Variants in SSUH2 observed in about 807,000 individuals in gnomAD.
SSUH2 encodes protein SSUH2 homolog.
A neutral mutation model predicts 55.3 loss-of-function variants in SSUH2; 47 were observed. That is an observed-to-expected ratio of 0.85 (90% CI 0.67 to 1.08). SSUH2 has a LOEUF of 1.08. SSUH2 is among the 50% of genes least tolerant of loss of function. The probability of loss-of-function intolerance (pLI) is 0.00; values close to 1 mark genes in which losing one functional copy is unlikely to be tolerated. For missense variants in SSUH2, 535 were observed against 490.7 expected (o/e 1.09, Z -0.85); for synonymous variants, 212 against 191.5 (o/e 1.11, Z -0.89).
At chr3:8,653,105 G>T (rs1452630629) in intron 7 of SSUH2, among the ~76,000 whole-genome samples, 1 of 152,164 alleles carries the variant, frequency 6.6e-6, no homozygotes, top group African/African-American at 2.4e-5. Context: ...ACACCTTTTT[G>T]GATCTAAATT....
At position 8,659,755 on chromosome 3, in the gene SSUH2, G is replaced by C. The variant is rs762817042; in HGVS notation, c.-395-742C>G. 23 of 456,116 alleles carry C rather than the reference G, an allele frequency of 5.0e-5. 1 individual carries two copies. The highest frequency in any genetic ancestry group is 3.6e-4 in the South Asian group (23 of 64,384). 28.3% of individuals were successfully genotyped at this position (456,116 alleles called of 1,614,324 possible). On this transcript the variant is annotated intron_variant, in intron 6 of 18. Coordinates refer to the SSUH2 transcript ENST00000317371. ...CATATATGTATTCATTCATTCAATG[G>C]GTATTTATTGTGTGCAGTGTAAGAG...
At chr3:8,678,605 C>G (rs964465720) in intron 2 of SSUH2, among the ~76,000 whole-genome samples, 2 of 88,934 alleles carry the variant, frequency 2.2e-5, no homozygotes, top group African/African-American at 4.1e-5. Context: ...GGACTGAGAG[C>G]CAGCCCTTCT....
chr3:8,668,190 G>A (rs1234943103), intron 5 of SSUH2, among the ~76,000 whole-genome samples: 1 of 151,972 alleles, frequency 6.6e-6, no homozygotes, highest in African/African-American at 2.4e-5. Flanking sequence ...CAACCACTGT[G>A]GCCTTCATTA....
At position 8,678,472 on chromosome 3, in the gene SSUH2, T is replaced by C. The variant is rs182471310; in HGVS notation, c.-900-1119A>G. Among the ~76,000 whole-genome samples the C allele has an allele frequency of 3.9e-3, 582 of 148,260 alleles. 20 individuals carry two copies. The highest frequency in any genetic ancestry group is 6.0e-3 in the Non-Finnish European group (400 of 66,460). On this transcript the variant is annotated intron_variant, in intron 2 of 18. Transcript: ENST00000317371. ...TCCGCCTCTATCCCCCCCTGGCTCT[T>C]AGGACCCCCATTGCAAGGGGGTGAG...
intron 7 of SSUH2, among the ~76,000 whole-genome samples, chr3:8,657,011 G>T (rs531940663): frequency 3.8e-4 from 58 of 152,276 alleles, no homozygotes; most frequent in Admixed American, 2.5e-3. Context: ...CTCCTGAGTA[G>T]CTGGGACTAC....
At chr3:8,648,563 G>GC (rs200449772), upstream of SSUH2, among the ~76,000 whole-genome samples, 11 of 152,006 alleles carry the variant, frequency 7.2e-5, no homozygotes, top group South Asian at 2.1e-4. Context: ...TTTAGCTGGT[G>GC]CCCCCCCATC....
intron 10 of SSUH2, 50 bp from the exon 11 acceptor site, chr3:8,623,706 C>A (rs767151291): frequency 1.5e-4 from 148 of 995,368 alleles, no homozygotes; most frequent in Non-Finnish European, 2.2e-4. Context: ...GCACCTGGAG[C>A]CTTGGAAGTC....
At chr3:8,648,341 G>A (rs1038825325), upstream of SSUH2, among the ~76,000 whole-genome samples, 1 of 152,180 alleles carries the variant, frequency 6.6e-6, no homozygotes, top group Non-Finnish European at 1.5e-5. Context: ...GAAGCTAGGG[G>A]AAGGAGCGTG....
In SSUH2 at chr3:8,678,752, G is replaced by A. The variant is rs77231684; in HGVS notation, c.-901+953C>T. On this transcript the variant is annotated intron_variant, in intron 2 of 18. Transcript: ENST00000317371. ...GGGGGGGAGGCACCACACGCGAGGC[G>A]GGGAAAGAGAGCCAGCCCCTCTTCC... Among the ~76,000 whole-genome samples, 49 of 34,626 alleles carry A rather than the reference G, an allele frequency of 1.4e-3. 19 individuals carry two copies. The highest frequency in any genetic ancestry group is 1.7e-3 in the African/African-American group (14 of 8,174). The allele number at this position is 34,626 out of a possible 152,430, so 22.7% of individuals were successfully genotyped here. A position where few individuals can be genotyped will look rare whatever the true frequency, so the allele number is the denominator to read the frequency against.
chr3:8,620,361 C>T (rs1051698693), intron 11 of SSUH2, among the ~76,000 whole-genome samples: 2 of 152,162 alleles, frequency 1.3e-5, no homozygotes, highest in African/African-American at 2.4e-5. Flanking sequence ...GTAAGATGTG[C>T]CTTTGCCATT....
At chr3:8,639,329 T>A (rs571085740) in intron 1 of SSUH2, among the ~76,000 whole-genome samples, 4 of 152,182 alleles carry the variant, frequency 2.6e-5, no homozygotes, top group Non-Finnish European at 5.9e-5. Flanking sequence ...CATGATCTCC[T>A]TTGTGCTTCA....
rs190114292 is a variant in SSUH2 at position 8,678,628 on chromosome 3, T to C, written c.-901+1077A>G. On this transcript the variant is annotated intron_variant, in intron 2 of 18. Transcript: ENST00000317371. ...AGCCAGCCCTTCTTCCCCCCCGGCT[T>C]TTGGGACCCCCATCGCAGTGGGGGG... Among the ~76,000 whole-genome samples the C allele has an allele frequency of 6.1e-3, 195 of 31,936 alleles. 23 individuals are homozygous for C. The highest frequency in any genetic ancestry group is 0.011 in the South Asian group (7 of 658). 21.0% of individuals were successfully genotyped at this position (31,936 alleles called of 152,430 possible).
chr3:8,620,165 A>G, intron 11 of SSUH2, 151 bp from the exon 12 acceptor site: 1 of 744,952 alleles, frequency 1.3e-6, no homozygotes, highest in South Asian at 1.9e-5. Context: ...GTTCCCACCC[A>G]AATCTCACCT....
chr3:8,660,194 C>T (rs1309231760), intron 6 of SSUH2, among the ~76,000 whole-genome samples: 2 of 152,068 alleles, frequency 1.3e-5, no homozygotes, highest in South Asian at 2.1e-4. Flanking sequence ...GCAGCCATTA[C>T]CACTTGAAAA....
intron 2 of SSUH2, among the ~76,000 whole-genome samples, chr3:8,679,259 C>CCA (rs1705762136): frequency 8.8e-6 from 1 of 113,034 alleles, no homozygotes; most frequent in Non-Finnish European, 2.0e-5. Flanking sequence ...CAATTTTCCC[C>CCA]CTGGCTTTTA....
At chr3:8,681,043 AC>A (rs1237524098) in intron 1 of SSUH2, among the ~76,000 whole-genome samples, 3 of 141,046 alleles carry the variant, frequency 2.1e-5, no homozygotes, top group South Asian at 2.2e-4. Flanking sequence ...ACTGAGAGCC[AC>A]CCCCTCTTCC....
At chr3:8,632,721 T>G (rs901552837) in intron 4 of SSUH2, among the ~76,000 whole-genome samples, 1 of 152,202 alleles carries the variant, frequency 6.6e-6, no homozygotes, top group African/African-American at 2.4e-5. Flanking sequence ...AAAATGTGAC[T>G]GTAAAAGCTG....
upstream of SSUH2, among the ~76,000 whole-genome samples, chr3:8,646,840 G>A (rs1027008170): frequency 1.3e-5 from 2 of 152,322 alleles, 1 homozygote; most frequent in South Asian, 4.1e-4. Context: ...CGCCCACTAT[G>A]TGCCTGACAT....
chr3:8,672,230 C>T (rs571643070), intron 3 of SSUH2, among the ~76,000 whole-genome samples: 6 of 151,818 alleles, frequency 4.0e-5, no homozygotes, highest in Admixed American at 6.6e-5. Context: ...ACACTTTCTG[C>T]GCTATTGGGA....
Sources: allele counts gnomAD v4.1 joint callset (sites outside exome capture counted in the v4.1 genomes callset), GRCh38; gene constraint gnomAD v4.1.1; transcripts MANE v1.5; gene names NCBI Gene and HGNC (gene_info 2026-07-23, HGNC 2026-07-21).